Variants in SENP8 observed in about 807,000 individuals in gnomAD.
SENP8 encodes sentrin-specific protease 8.
SENP8 carries 10 observed loss-of-function variants against 14.4 expected under a neutral mutation model. The ratio of observed to expected loss-of-function variants is 0.69; its 90% CI spans 0.43 to 1.18. The LOEUF (loss-of-function observed/expected upper bound fraction) is 1.18. Ranked by LOEUF, SENP8 falls within the 50% of genes most tolerant of loss-of-function variation. The pLI is 0.00. For missense variants in SENP8, 202 were observed against 249.4 expected, an observed-to-expected ratio of 0.81 and a Z score of 1.28; for synonymous variants, 94 against 95.5, an observed-to-expected ratio of 0.98 and a Z score of 0.09.
intron 1 of SENP8, among the ~76,000 whole-genome samples, chr15:72,129,536 ATTTTTTT>A (rs35079066): frequency 2.8e-5 from 3 of 105,454 alleles, no homozygotes; most frequent in Admixed American, 2.8e-4. Context: ...CTAATTTTGT[ATTTTTTT>A]TTTTTTTTTT....
chr15:72,137,516 A>G (rs1230607387), intron 1 of SENP8, among the ~76,000 whole-genome samples: 1 of 152,152 alleles, frequency 6.6e-6, no homozygotes. Context: ...AACACATGTT[A>G]TATCACTCAT....
chr15:72,140,193 C>G lies in SENP8; in HGVS notation c.570C>G (p.Leu190=), dbSNP rs1167932615. 1.2e-6 allele frequency: 2 copies of G among 1,614,002 alleles called. No individual in the cohort carries two copies. The highest frequency in any genetic ancestry group is 4.5e-5 in the East Asian group (2 of 44,904). ...AGACAGAATCACTGCTGCAGCTACT[C>G]ACCCCTGCATACATCACAAAGAAGA... ...RQQTESLLQL[L]TPAYITKKRG... is the part of the protein sequence containing the mutation. Residue 190 remains leucine, a synonymous_variant, in exon 2 of 2, where the codon CTC becomes CTG. Coordinates refer to ENST00000340912, the MANE Select transcript of SENP8 (RefSeq NM_145204.4).
intron 1 of SENP8, among the ~76,000 whole-genome samples, chr15:72,138,664 G>C (rs976797653): frequency 6.6e-6 from 1 of 150,394 alleles, no homozygotes; most frequent in Non-Finnish European, 1.5e-5. Context: ...TGTAGGATTT[G>C]ACTCCCTAAA....
At chr15:72,132,052 T>G (rs1289315870) in intron 1 of SENP8, among the ~76,000 whole-genome samples, 2 of 152,166 alleles carry the variant, frequency 1.3e-5, no homozygotes, top group East Asian at 3.8e-4. Flanking sequence ...ATCTTACAGA[T>G]GAGGAAAATG....
intron 1 of SENP8, among the ~76,000 whole-genome samples, chr15:72,119,612 G>A (rs1258181117): frequency 1.3e-5 from 2 of 152,214 alleles, no homozygotes; most frequent in Non-Finnish European, 2.9e-5. Context: ...GCCGGGCGTG[G>A]TAGCAGGCGC....
At chr15:72,137,995 T>G (rs1232130374) in intron 1 of SENP8, among the ~76,000 whole-genome samples, 1 of 151,904 alleles carries the variant, frequency 6.6e-6, no homozygotes, top group Non-Finnish European at 1.5e-5. Context: ...AAAAGAAAAT[T>G]AGTGTTGAAA....
chr15:72,116,356 C>T (rs560611264), upstream of SENP8, among the ~76,000 whole-genome samples: 3 of 152,288 alleles, frequency 2.0e-5, no homozygotes, highest in African/African-American at 7.2e-5. Flanking sequence ...ATTAAAATTA[C>T]GTACTGATCA....
chr15:72,126,329 A>G (rs1214777966), intron 1 of SENP8, among the ~76,000 whole-genome samples: 1 of 152,114 alleles, frequency 6.6e-6, no homozygotes, highest in Middle Eastern at 3.2e-3. Context: ...TTGCAGATAA[A>G]AGAAAATTTC....
At position 72,140,238 on chromosome 15, in the gene SENP8, C is replaced by T; in HGVS notation, c.615C>T (p.Leu205=). Residue 205 remains leucine (L), a synonymous_variant, in exon 2 of 2, where the codon CTC becomes CTT. Coordinates refer to ENST00000340912, the MANE Select transcript of SENP8 (RefSeq NM_145204.4). The stretch of plus-strand genomic sequence containing the variant: ...AGAAGAGGGGAGAATGGAAAGATCT[C>T]ATTACCACACTTGCTAAAAAGTAGC... The part of the protein sequence containing the change: ...ITKKRGEWKD[L]ITTLAKK 1.2e-6 allele frequency: 2 copies of T among 1,613,172 alleles called. No individual in the cohort carries two copies. The highest frequency in any genetic ancestry group is 1.3e-5 in the African/African-American group (1 of 75,048).
At chr15:72,117,495 T>C (rs911333105), upstream of SENP8, among the ~76,000 whole-genome samples, 5 of 151,090 alleles carry the variant, frequency 3.3e-5, no homozygotes, top group African/African-American at 7.3e-5. Flanking sequence ...CAATGGAAGA[T>C]ACAGGGGGTG....
chr15:72,116,741 A>T (rs1415055379), upstream of SENP8: 1 of 152,234 alleles, frequency 6.6e-6, no homozygotes, highest in Non-Finnish European at 1.5e-5. Context: ...AGTTATATCC[A>T]CTAGTGCAAC....
Position 72,143,634 on chromosome 15 carries a change from C to G in SENP8, c.*3372C>G, listed in dbSNP as rs1183123141. 6.6e-6 allele frequency: 1 copy of G among 152,008 alleles called. No individual in the cohort carries two copies. Among genetic ancestry groups the G allele is most frequent in the East Asian group, 1.9e-4 (1 of 5,194 alleles). 9.4% of individuals were successfully genotyped at this position (152,008 alleles called of 1,614,324 possible). A position where few individuals can be genotyped will look rare whatever the true frequency, so the allele number is the denominator to read the frequency against. ...ATATAATCTCATTAATTCTTATGTT[C>G]TCATGTTTCAACAGGTACTGTTATT... On this transcript the variant is annotated 3_prime_UTR_variant, in exon 2 of 2. Coordinates refer to ENST00000340912, the MANE Select transcript of SENP8 (RefSeq NM_145204.4).
chr15:72,120,382 AT>A (rs1407448980), intron 1 of SENP8, among the ~76,000 whole-genome samples: 2 of 152,196 alleles, frequency 1.3e-5, no homozygotes, highest in Non-Finnish European at 2.9e-5. Context: ...AGAACGAGTT[AT>A]TGTTGTCTAG....
chr15:72,127,120 C>A (rs565398812), intron 1 of SENP8, among the ~76,000 whole-genome samples: 1 of 152,276 alleles, frequency 6.6e-6, no homozygotes, highest in South Asian at 2.1e-4. Flanking sequence ...GCCTGGTAAG[C>A]ACTGTTTTAG....
chr15:72,115,068 T>A (rs562717061), upstream of SENP8, among the ~76,000 whole-genome samples: 33 of 152,274 alleles, frequency 2.2e-4, no homozygotes, highest in African/African-American at 6.0e-4. Flanking sequence ...ACTACTAAAA[T>A]AACTAAGGGA....
chr15:72,140,610 AAGC>A lies in SENP8; in HGVS notation c.*351_*353del. 4.7e-6 allele frequency: 1 copy of A among 213,834 alleles called. No homozygotes were observed. The highest frequency in any genetic ancestry group is 1.0e-5 in the Non-Finnish European group (1 of 97,458). 13.2% of individuals were successfully genotyped at this position (213,834 alleles called of 1,614,324 possible). A position where few individuals can be genotyped will look rare whatever the true frequency, so the allele number is the denominator to read the frequency against. On this transcript the variant is annotated 3_prime_UTR_variant, in exon 2 of 2. Coordinates refer to ENST00000340912, the MANE Select transcript of SENP8 (RefSeq NM_145204.4). ...TCCACATTGGCTTATTCTGGAGGAA[AAGC>A]AGTGATCTGTAAAACAAATCAAGAA...
At chr15:72,118,924 G>A (rs1428483119) in intron 1 of SENP8, among the ~76,000 whole-genome samples, 4 of 152,118 alleles carry the variant, frequency 2.6e-5, no homozygotes, top group Non-Finnish European at 5.9e-5. Context: ...ACTTTTAGAG[G>A]ACTGTGTTAA....
intron 1 of SENP8, 45 bp from the exon 2 acceptor site, chr15:72,139,532 G>A (rs770338503): frequency 8.0e-6 from 12 of 1,494,956 alleles, no homozygotes; most frequent in South Asian, 5.3e-5. Flanking sequence ...TTTTCCAGCC[G>A]CATTTTACAG....
chr15:72,121,565 C>CA lies in SENP8; in HGVS notation c.-48+3114dup, dbSNP rs11297863. 1.8e-4 allele frequency among the ~76,000 whole-genome samples: 25 copies of CA among 141,630 alleles called. 1 individual carries two copies. Among genetic ancestry groups the CA allele is most frequent in the Admixed American group, 9.8e-4 (14 of 14,302 alleles). The allele number at this position is 141,630 out of a possible 152,430, so 92.9% of individuals were successfully genotyped here. ...GCAACAAAGTGAGACCGTGTCTCTC[C>CA]AAAAAAAAAAAAAGAAAATTAGCCA... is the stretch of plus-strand genomic sequence containing the variant. On this transcript the variant is annotated intron_variant, in intron 1 of 1. Transcript: ENST00000340912.
Sources: gnomAD v4.1 joint callset for allele counts (sites outside exome capture counted in the v4.1 genomes callset) on GRCh38, gnomAD v4.1.1 for gene constraint, MANE v1.5 for transcripts, NCBI Gene and HGNC (gene_info 2026-07-23, HGNC 2026-07-21) for gene names.